CCSER2: variants seen among roughly 807,000 people sequenced by gnomAD.
The protein encoded by CCSER2 is serine-rich coiled-coil domain-containing protein 2.
Under a neutral mutation model 92.3 loss-of-function variants are expected in CCSER2, and 46 were observed. That is an observed-to-expected ratio of 0.50 (90% confidence interval 0.39 to 0.64). CCSER2 has a LOEUF of 0.64. CCSER2 is among the 30% of genes least tolerant of loss of function. CCSER2 has a pLI of 0.00. For synonymous variants in CCSER2, 433 were observed against 431.4 expected (o/e 1.00, Z -0.04); for missense variants, 1,244 against 1,238.9 (o/e 1.00, Z -0.06).
intron 9 of CCSER2, among the ~76,000 whole-genome samples, chr10:84,508,004 A>C (rs983342623): frequency 2.0e-5 from 3 of 152,204 alleles, no homozygotes; most frequent in Non-Finnish European, 4.4e-5. Flanking sequence ...ATATATTAAA[A>C]TAATCATCTG....
chr10:84,402,725 G>A (rs537963461), intron 3 of CCSER2, among the ~76,000 whole-genome samples: 16 of 152,150 alleles, frequency 1.1e-4, no homozygotes, highest in African/African-American at 3.1e-4. Flanking sequence ...TCCTAAATTC[G>A]AGAACAAGAC....
At chr10:84,461,428 G>C (rs1846093517) in intron 6 of CCSER2, among the ~76,000 whole-genome samples, 2 of 152,086 alleles carry the variant, frequency 1.3e-5, no homozygotes, top group Non-Finnish European at 1.5e-5. Context: ...TGACAGGAGT[G>C]TTAGCTCTTT....
chr10:84,419,364 A>AAAAAATAAAATAAAAAT (rs749756409), intron 4 of CCSER2, among the ~76,000 whole-genome samples: 15,170 of 149,812 alleles, frequency 0.1, 900 homozygotes, highest in Admixed American at 0.15. Context: ...TCAAAAAAAA[A>AAAAAATAAAATAAAAAT]AAAATAAAAT....
At chr10:84,425,597 T>G in intron 4 of CCSER2, 134 bp from the exon 5 acceptor site, 1 of 532,310 alleles carries the variant, frequency 1.9e-6, no homozygotes. Flanking sequence ...CTTGATATTG[T>G]GATTAACATA....
chr10:84,489,025 C>A (rs963077506), intron 9 of CCSER2, among the ~76,000 whole-genome samples: 1 of 152,202 alleles, frequency 6.6e-6, no homozygotes, highest in Non-Finnish European at 1.5e-5. Context: ...GCAGGTTGTT[C>A]AGTTTCCATG....
At position 84,499,930 on chromosome 10, in the gene CCSER2, C is replaced by A. The variant is rs750775633; in HGVS notation, c.2326-13519C>A. The A allele has an allele frequency of 6.8e-6, 11 of 1,613,760 alleles. No homozygotes were observed. In the Admixed American group the frequency reaches 1.3e-4, roughly 20 times the overall value. Reference sequence around the variant, plus strand: ...TGGCAGGGCTCCTTCCAGGGGATCCCACGGACTGTTCCACCGCACCGCAGA... The same window carrying A: ...TGGCAGGGCTCCTTCCAGGGGATCCAACGGACTGTTCCACCGCACCGCAGA... On this transcript the variant is annotated intron_variant, in intron 9 of 9. Coordinates refer to ENST00000372088, the MANE Select transcript of CCSER2 (RefSeq NM_001284240.2).
chr10:84,479,789 A>G (rs1300484692), intron 9 of CCSER2, among the ~76,000 whole-genome samples: 2 of 152,176 alleles, frequency 1.3e-5, no homozygotes, highest in Middle Eastern at 3.2e-3. Context: ...TGTTTACACA[A>G]CTTGTATACA....
chr10:84,352,798 T>A (rs1844936953), intron 1 of CCSER2, among the ~76,000 whole-genome samples: 1 of 151,814 alleles, frequency 6.6e-6, no homozygotes. Context: ...ATGCGATAAT[T>A]CTTTTTTTTT....
Position 84,371,811 on chromosome 10 carries a change from T to G in CCSER2, c.759T>G (p.Pro253=), listed in dbSNP as rs146103957. The G allele has an allele frequency of 3.1e-6, 5 of 1,613,930 alleles. No homozygotes were observed. The highest frequency in any genetic ancestry group is 4.2e-6 in the Non-Finnish European group (5 of 1,179,888). The stretch of plus-strand genomic sequence containing the variant: ...ATAGAGCTGTGGATCTTACAAAGCC[T>G]TATCAGAACCAACAGCTATCCATTA... ...SFNRAVDLTK[P]YQNQQLSIRV... The change falls in exon 2 of 10, where the codon CCT becomes CCG. Residue 253 remains proline (P), a synonymous_variant. Coordinates refer to ENST00000372088, the MANE Select transcript of CCSER2 (RefSeq NM_001284240.2).
At chr10:84,480,354 AG>A (rs2133754325) in intron 9 of CCSER2, among the ~76,000 whole-genome samples, 1 of 152,310 alleles carries the variant, frequency 6.6e-6, no homozygotes, top group South Asian at 2.1e-4. Flanking sequence ...CTGAGAAAAA[AG>A]TATTTTTGGT....
chr10:84,394,336 T>C (rs1841699931), intron 3 of CCSER2, among the ~76,000 whole-genome samples: 2 of 151,944 alleles, frequency 1.3e-5, no homozygotes, highest in Non-Finnish European at 2.9e-5. Context: ...GTAGTATGAA[T>C]TTATAAATGA....
intron 1 of CCSER2, among the ~76,000 whole-genome samples, chr10:84,329,108 C>T (rs1389340241): frequency 2.0e-5 from 3 of 152,130 alleles, no homozygotes; most frequent in Non-Finnish European, 4.4e-5. Context: ...GGCTGAGGCA[C>T]TCTGATTTCG....
intron 8 of CCSER2, among the ~76,000 whole-genome samples, chr10:84,471,910 A>C (rs1474158561): frequency 1.3e-5 from 2 of 152,102 alleles, no homozygotes; most frequent in Non-Finnish European, 2.9e-5. Context: ...ATGCTGAAGG[A>C]AGTTAGAAGT....
At chr10:84,455,243 T>A in intron 6 of CCSER2, 1 of 185,614 alleles carries the variant, frequency 5.4e-6, no homozygotes, top group East Asian at 1.4e-4. Context: ...CACCTTGTGT[T>A]TTCCACTTTC....
In CCSER2 at chr10:84,463,925, T is replaced by C; in HGVS notation, c.2065-8T>C. ...AATCTAGTGTTTTTCTTCCCTTCTTTCTGACAGCATGATGGAAGTGGTTCA... is the reference window on the plus strand; with the variant it reads ...AATCTAGTGTTTTTCTTCCCTTCTTCCTGACAGCATGATGGAAGTGGTTCA... On this transcript the variant is annotated splice_region_variant and splice_polypyrimidine_tract_variant and intron_variant, in intron 6 of 9. Coordinates refer to ENST00000372088, the MANE Select transcript of CCSER2 (RefSeq NM_001284240.2). 1 of 1,591,696 alleles carries C rather than the reference T, an allele frequency of 6.3e-7. No individual in the cohort carries two copies. Among genetic ancestry groups the C allele is most frequent in the Non-Finnish European group, 8.6e-7 (1 of 1,160,572 alleles).
At chr10:84,511,080 A>T (rs1452403039) in intron 9 of CCSER2, among the ~76,000 whole-genome samples, 2 of 152,230 alleles carry the variant, frequency 1.3e-5, no homozygotes, top group Admixed American at 6.5e-5. Flanking sequence ...GATTTAGTTA[A>T]TGTAATTCAC....
At chr10:84,442,846 A>T (rs1350332456) in intron 6 of CCSER2, among the ~76,000 whole-genome samples, 1 of 152,206 alleles carries the variant, frequency 6.6e-6, no homozygotes, top group Non-Finnish European at 1.5e-5. Flanking sequence ...ATTTACACAC[A>T]TTTACAACCA....
At chr10:84,448,363 C>G (rs965622983) in intron 6 of CCSER2, among the ~76,000 whole-genome samples, 2 of 152,116 alleles carry the variant, frequency 1.3e-5, no homozygotes, top group African/African-American at 4.8e-5. Flanking sequence ...TAATATCAAG[C>G]TGTTTCCCCA....
intron 1 of CCSER2, among the ~76,000 whole-genome samples, chr10:84,363,335 G>A (rs557387246): frequency 1.7e-4 from 26 of 152,106 alleles, no homozygotes; most frequent in African/African-American, 6.3e-4. Context: ...ATCAGCTTAT[G>A]CCACAGATGA....
Sources: allele counts gnomAD v4.1 joint callset (sites outside exome capture counted in the v4.1 genomes callset), GRCh38; gene constraint gnomAD v4.1.1; transcripts MANE v1.5; gene names NCBI Gene and HGNC (gene_info 2026-07-23, HGNC 2026-07-21).